Variants in TBC1D12 observed in about 807,000 individuals in gnomAD.
The protein encoded by TBC1D12 is TBC1 domain family member 12.
TBC1D12 carries 56 observed loss-of-function variants against 86.7 expected under a neutral mutation model. That is an observed-to-expected ratio of 0.65 (90% CI 0.52 to 0.81). The LOEUF (loss-of-function observed/expected upper bound fraction) is 0.81. TBC1D12 is among the 30% of genes least tolerant of loss of function. The pLI is 0.00. For synonymous variants in TBC1D12, 421 were observed against 411.7 expected (o/e 1.02, Z -0.27); for missense variants, 1,023 against 1,038.8 (o/e 0.98, Z 0.21).
chr10:94,511,704 CTCTT>C (rs1174914588), intron 9 of TBC1D12, 50 bp downstream of exon 9: 2 of 1,255,872 alleles, frequency 1.6e-6, no homozygotes, highest in Non-Finnish European at 2.3e-6. Context: ...TTTATCTACA[CTCTT>C]TATCAAAATA....
At chr10:94,430,437 C>T (rs572969929) in intron 1 of TBC1D12, among the ~76,000 whole-genome samples, 1 of 152,028 alleles carries the variant, frequency 6.6e-6, no homozygotes, top group Non-Finnish European at 1.5e-5. Context: ...GTGGGTTTGC[C>T]AATTCTTAAA....
rs576447522 is a variant in TBC1D12, at chr10:94,452,524, G to A, written c.1095+10505G>A. Among the ~76,000 whole-genome samples the A allele has an allele frequency of 3.3e-5, 5 of 152,148 alleles. No individual in the cohort carries two copies. In the South Asian group the frequency reaches 8.3e-4, roughly 25 times the overall value. ...GCCTTTTCCAGACTATTATGTAATT[G>A]GAACCAGACAGTACTTAGCTGTTTC... On this transcript the variant is annotated intron_variant, in intron 2 of 12. Coordinates refer to ENST00000225235, the MANE Select transcript of TBC1D12 (RefSeq NM_015188.2).
chr10:94,440,861 A>T (rs1181481293), intron 1 of TBC1D12, among the ~76,000 whole-genome samples: 1 of 152,040 alleles, frequency 6.6e-6, no homozygotes, highest in African/African-American at 2.4e-5. Flanking sequence ...GATAATAGGT[A>T]AAATCCTTAA....
intron 9 of TBC1D12, among the ~76,000 whole-genome samples, chr10:94,519,770 T>A (rs940814388): frequency 1.2e-4 from 18 of 152,328 alleles, no homozygotes; most frequent in African/African-American, 4.1e-4. Flanking sequence ...CAGTGTAGCA[T>A]CTTCAAATCT....
intron 1 of TBC1D12, among the ~76,000 whole-genome samples, chr10:94,421,342 G>GTCA (rs1258023188): frequency 6.6e-6 from 1 of 152,170 alleles, no homozygotes; most frequent in Non-Finnish European, 1.5e-5. Context: ...CATCCATGTT[G>GTCA]TCACAAATGA....
intron 4 of TBC1D12, among the ~76,000 whole-genome samples, chr10:94,496,016 T>A (rs946168184): frequency 2.0e-5 from 3 of 151,944 alleles, no homozygotes; most frequent in African/African-American, 7.2e-5. Context: ...GGCAGGAGAA[T>A]TGCTTGATCC....
At chr10:94,475,484 G>A (rs2055975702) in intron 3 of TBC1D12, among the ~76,000 whole-genome samples, 1 of 152,190 alleles carries the variant, frequency 6.6e-6, no homozygotes, top group South Asian at 2.1e-4. Flanking sequence ...AGGCTGGAGT[G>A]TAATGGTGCG....
chr10:94,523,561 T>G (rs993859339), intron 11 of TBC1D12, among the ~76,000 whole-genome samples: 2 of 152,278 alleles, frequency 1.3e-5, no homozygotes, highest in Non-Finnish European at 2.9e-5. Context: ...AAATTTTTTT[T>G]AAAAATGTAA....
chr10:94,501,669 C>A (rs2056399536), intron 6 of TBC1D12, among the ~76,000 whole-genome samples: 1 of 151,340 alleles, frequency 6.6e-6, no homozygotes, highest in African/African-American at 2.4e-5. Flanking sequence ...GCCTCAGCCT[C>A]CTGAGTAGCT....
Position 94,533,503 on chromosome 10 carries a change from A to G in TBC1D12, c.*407A>G. ...CTACTGTTAACCTCCAAAGTACTAT[A>G]GTACAGACATTGTTTCCAGTTCTGA... On this transcript the variant is annotated 3_prime_UTR_variant, in exon 13 of 13. Coordinates refer to ENST00000225235, the MANE Select transcript of TBC1D12 (RefSeq NM_015188.2). 6.3e-6 allele frequency: 1 copy of G among 159,814 alleles called. No homozygotes were observed. Among genetic ancestry groups the G allele is most frequent in the South Asian group, 1.9e-4 (1 of 5,338 alleles). The allele number at this position is 159,814 out of a possible 1,614,324, so 9.9% of individuals were successfully genotyped here. A position where few individuals can be genotyped will look rare whatever the true frequency, so the allele number is the denominator to read the frequency against.
At chr10:94,531,519 A>C (rs1842417954) in intron 12 of TBC1D12, 59 bp downstream of exon 12, 1 of 1,477,338 alleles carries the variant, frequency 6.8e-7, no homozygotes, top group Non-Finnish European at 9.0e-7. Flanking sequence ...TTATTGTAAA[A>C]AAGTTAGGTA....
chr10:94,531,355 T>C lies in TBC1D12; in HGVS notation c.2154T>C (p.His718=), dbSNP rs1295166302. 6.2e-7 allele frequency: 1 copy of C among 1,614,160 alleles called. No homozygotes were observed. Among genetic ancestry groups the C allele is most frequent in the Admixed American group, 1.7e-5 (1 of 60,024 alleles). The part of the protein sequence containing the change: ...EDILLQMDFI[H]IAQFLTKLPE... ...TTCTCCTGCAGATGGACTTTATTCATATAGCACAGTTTCTAACTAAATTGC... is the reference window on the plus strand; with the variant it reads ...TTCTCCTGCAGATGGACTTTATTCACATAGCACAGTTTCTAACTAAATTGC... Residue 718 remains histidine, a synonymous_variant, in exon 12 of 13, where the codon CAT becomes CAC. Coordinates refer to ENST00000225235, the MANE Select transcript of TBC1D12 (RefSeq NM_015188.2).
At chr10:94,479,224 C>T (rs74808781) in intron 3 of TBC1D12, among the ~76,000 whole-genome samples, 1 of 152,062 alleles carries the variant, frequency 6.6e-6, no homozygotes, top group Non-Finnish European at 1.5e-5. Flanking sequence ...GTGTATTGCT[C>T]TGGGATGTAG....
chr10:94,432,781 GT>G lies in TBC1D12; in HGVS notation c.972-9104del, dbSNP rs57041867. On this transcript the variant is annotated intron_variant, in intron 1 of 12. Transcript: ENST00000225235. ...AGAACCAGGCTTTTTTATTTTGGAG[GT>G]TTTTTTTTTTCCTTTTCATCTGTGC... 9.6e-5 allele frequency among the ~76,000 whole-genome samples: 14 copies of G among 146,584 alleles called. No homozygotes were observed. In the South Asian group the frequency reaches 1.1e-3, roughly 11 times the overall value.
intron 2 of TBC1D12, among the ~76,000 whole-genome samples, chr10:94,457,482 A>T (rs554189093): frequency 6.6e-6 from 1 of 152,132 alleles, no homozygotes; most frequent in Non-Finnish European, 1.5e-5. Flanking sequence ...TGGTGTAATC[A>T]TAGCTCACTG....
At chr10:94,416,951 A>G (rs985297481) in intron 1 of TBC1D12, among the ~76,000 whole-genome samples, 1 of 152,216 alleles carries the variant, frequency 6.6e-6, no homozygotes, top group Non-Finnish European at 1.5e-5. Context: ...TCTAGGGTGC[A>G]TGAGGTATGT....
At chr10:94,519,274 T>C (rs1310176799) in intron 9 of TBC1D12, among the ~76,000 whole-genome samples, 2 of 152,236 alleles carry the variant, frequency 1.3e-5, no homozygotes, top group African/African-American at 4.8e-5. Flanking sequence ...ATTTGCCCCT[T>C]GTATTCATTC....
intron 2 of TBC1D12, among the ~76,000 whole-genome samples, chr10:94,465,858 A>G (rs1483467691): frequency 4.6e-5 from 7 of 151,308 alleles, no homozygotes. Flanking sequence ...GTACATGCAT[A>G]CATACATATA....
At chr10:94,446,373 A>G (rs2055462358) in intron 2 of TBC1D12, among the ~76,000 whole-genome samples, 1 of 152,190 alleles carries the variant, frequency 6.6e-6, no homozygotes, top group Non-Finnish European at 1.5e-5. Context: ...GCTTTAGGAA[A>G]TGAAGAGGTA....
Sources: allele counts gnomAD v4.1 joint callset (sites outside exome capture counted in the v4.1 genomes callset), GRCh38; gene constraint gnomAD v4.1.1; transcripts MANE v1.5; gene names NCBI Gene and HGNC (gene_info 2026-07-23, HGNC 2026-07-21).